The following TRAP1 variants were observed in gnomAD, a reference collection of about 807,000 sequenced individuals.
TRAP1 encodes TNF receptor associated protein 1, also known as heat shock protein 75 kDa, mitochondrial.
TRAP1 carries 102 observed loss-of-function variants against 89.1 expected under a neutral mutation model. The ratio of observed to expected loss-of-function variants is 1.15; its 90% confidence interval spans 0.98 to 1.35. The LOEUF (loss-of-function observed/expected upper bound fraction) is 1.35, where lower values mean the gene tolerates loss of function less well. TRAP1 is among the 40% of genes most tolerant of loss of function. The probability of loss-of-function intolerance (pLI) is 0.00; values close to 1 mark genes in which losing one functional copy is unlikely to be tolerated. For missense variants in TRAP1, 1,256 were observed against 945.3 expected (o/e 1.33, Z -4.31); for synonymous variants, 508 against 388.0 (o/e 1.31, Z -3.64).
chr16:3,677,802 G>A (rs890487699), intron 5 of TRAP1, 144 bp from the exon 6 acceptor site: 10 of 925,910 alleles, frequency 1.1e-5, no homozygotes, highest in African/African-American at 1.7e-5. Context: ...CATTCTACAC[G>A]TGAAGAGCTA....
Position 3,716,978 on chromosome 16 carries a change from G to A in TRAP1, c.88+443C>T, listed in dbSNP as rs184553765. Among the ~76,000 whole-genome samples, 477 of 152,318 alleles carry A rather than the reference G, an allele frequency of 3.1e-3. 5 individuals are homozygous for A. Among genetic ancestry groups the A allele is most frequent in the African/African-American group, 0.011 (452 of 41,576 alleles). On this transcript the variant is annotated intron_variant, in intron 1 of 17. Transcript: ENST00000246957. The stretch of plus-strand genomic sequence containing the variant: ...GAATTAACAAATGAACCCTCAGTGC[G>A]CTACTGGGAGGCGGGGAGGGGTAAA...
At chr16:3,705,053 G>A (rs1181960817) in intron 1 of TRAP1, among the ~76,000 whole-genome samples, 3 of 151,878 alleles carry the variant, frequency 2.0e-5, no homozygotes, top group East Asian at 3.9e-4. Flanking sequence ...GTACAGCCAC[G>A]ACCACTAACC....
At chr16:3,685,936 C>A in intron 4 of TRAP1, 60 bp downstream of exon 4, 1 of 1,579,842 alleles carries the variant, frequency 6.3e-7, no homozygotes, top group Non-Finnish European at 8.6e-7. Context: ...CACTAGAAGG[C>A]GGATCCTGTC....
chr16:3,662,774 G>A (rs2043161063), intron 15 of TRAP1, 108 bp downstream of exon 15: 1 of 1,032,794 alleles, frequency 9.7e-7, no homozygotes, highest in African/African-American at 1.6e-5. Context: ...AAGGGCTTCT[G>A]CTGCTGCTGG....
At chr16:3,663,767 T>C in intron 13 of TRAP1, 1 of 609,444 alleles carries the variant, frequency 1.6e-6, no homozygotes, top group Admixed American at 3.0e-5. Flanking sequence ...GCAGAAGCAC[T>C]CCACGCATAA....
rs1301617171 is a variant in TRAP1, at chr16:3,672,730, T to C, written c.1135A>G (p.Ile379Val). Reference protein sequence around the residue: ...KVLIQTKATDILPKWLRFIRG... With the variant: ...KVLIQTKATDVLPKWLRFIRG... ...ATGAAGCGCAGCCACTTGGGCAGGA[T>C]GTCCGTGGCCTTGGTCTGGATGAGG... Residue 379 changes from isoleucine to valine, a missense_variant, in exon 10 of 18, where the codon ATC becomes GTC. Transcript: ENST00000246957. The C allele has an allele frequency of 6.2e-7, 1 of 1,610,434 alleles. No homozygotes were observed. The highest frequency in any genetic ancestry group is 1.7e-5 in the Admixed American group (1 of 59,574).
chr16:3,662,303 G>T, intron 15 of TRAP1, 171 bp from the exon 16 acceptor site: 3 of 784,308 alleles, frequency 3.8e-6, no homozygotes, highest in Non-Finnish European at 4.0e-6. Context: ...TGTGGGCCCT[G>T]AGCTGATGCC....
At chr16:3,666,224 AAAC>A (rs1269521681) in intron 11 of TRAP1, 106 bp from the exon 12 acceptor site, 7 of 1,391,596 alleles carry the variant, frequency 5.0e-6, no homozygotes, top group Non-Finnish European at 5.8e-6. Context: ...AAAGAAGTGA[AAAC>A]AACAAGGTAC....
chr16:3,705,025 T>C (rs2051421147), intron 1 of TRAP1, among the ~76,000 whole-genome samples: 1 of 152,134 alleles, frequency 6.6e-6, no homozygotes, highest in Admixed American at 6.5e-5. Flanking sequence ...TCAGTGGTTT[T>C]AGTATATTCA....
At chr16:3,667,980 G>A (rs1443750683) in intron 11 of TRAP1, among the ~76,000 whole-genome samples, 2 of 143,356 alleles carry the variant, frequency 1.4e-5, no homozygotes, top group African/African-American at 5.2e-5. Context: ...CCAGGCTGGA[G>A]TGCAGTGGCG....
chr16:3,710,874 TA>T (rs536791810), intron 1 of TRAP1, among the ~76,000 whole-genome samples: 49,925 of 123,674 alleles, frequency 0.4, 9,675 homozygotes, highest in South Asian at 0.48. Context: ...TATATATATA[TA>T]TATATTTTTT....
At chr16:3,707,663 G>T (rs1346286481) in intron 1 of TRAP1, among the ~76,000 whole-genome samples, 1 of 149,688 alleles carries the variant, frequency 6.7e-6, no homozygotes, top group Admixed American at 6.7e-5. Flanking sequence ...AGACCAGCCT[G>T]GCCAACATGG....
chr16:3,665,890 C>A, intron 12 of TRAP1, 81 bp downstream of exon 12: 5 of 1,535,354 alleles, frequency 3.3e-6, no homozygotes, highest in Non-Finnish European at 4.4e-6. Context: ...GTCGCCACAT[C>A]AGGGGACACC....
chr16:3,711,473 C>T (rs998652335), intron 1 of TRAP1, among the ~76,000 whole-genome samples: 2 of 152,042 alleles, frequency 1.3e-5, no homozygotes, highest in South Asian at 2.1e-4. Flanking sequence ...GTAGTGCATG[C>T]CTGTAGCCCC....
intron 1 of TRAP1, among the ~76,000 whole-genome samples, chr16:3,694,903 A>T (rs570788107): frequency 6.6e-6 from 1 of 152,306 alleles, no homozygotes; most frequent in Non-Finnish European, 1.5e-5. Flanking sequence ...TCCAAGATCA[A>T]GGTGCCACTA....
At chr16:3,685,971 C>A in intron 4 of TRAP1, 25 bp downstream of exon 4, 1 of 1,607,336 alleles carries the variant, frequency 6.2e-7, no homozygotes, top group Non-Finnish European at 8.5e-7. Flanking sequence ...GGGCCTGCCA[C>A]ACGCCTGGAC....
intron 1 of TRAP1, among the ~76,000 whole-genome samples, chr16:3,714,779 C>T (rs1350407437): frequency 1.3e-5 from 2 of 152,052 alleles, no homozygotes; most frequent in African/African-American, 2.4e-5. Flanking sequence ...GTAGCATGGG[C>T]GAGAGGATTC....
intron 1 of TRAP1, among the ~76,000 whole-genome samples, chr16:3,716,901 A>G (rs2051604538): frequency 1.3e-5 from 2 of 152,228 alleles, no homozygotes; most frequent in African/African-American, 4.8e-5. Context: ...CGTCCCCAGA[A>G]CCTGCACGGC....
rs767766149 is a variant in TRAP1, at chr16:3,658,130, C to T, written c.2114G>A (p.Ter705=). 3.7e-6 allele frequency: 6 copies of T among 1,613,784 alleles called. No homozygotes were observed. Among genetic ancestry groups the T allele is most frequent in the Admixed American group, 3.3e-5 (2 of 59,998 alleles). ...ELLVKALERH[*] is the part of the protein sequence containing the mutation. Reference sequence around the variant, plus strand: ...TCAGTCCTTCTGGCCCCCTGGCTGTCAGTGTCGCTCCAGGGCCTTGACAAG... The same window carrying T: ...TCAGTCCTTCTGGCCCCCTGGCTGTTAGTGTCGCTCCAGGGCCTTGACAAG... Residue 705 remains the stop codon, a stop_retained_variant, in exon 18 of 18, where the codon TGA becomes TAA. Coordinates refer to ENST00000246957, the MANE Select transcript of TRAP1 (RefSeq NM_016292.3).
Sources: allele counts gnomAD v4.1 joint callset (sites outside exome capture counted in the v4.1 genomes callset), GRCh38; gene constraint gnomAD v4.1.1; transcripts MANE v1.5; gene names NCBI Gene and HGNC (gene_info 2026-07-23, HGNC 2026-07-21).